ABCA13: variants seen among roughly 807,000 people sequenced by gnomAD.
ABCA13 encodes the protein ATP-binding cassette sub-family A member 13.
A neutral mutation model predicts 478.7 loss-of-function variants in ABCA13; 476 were observed. The ratio of observed to expected loss-of-function variants is 0.99; its 90% CI spans 0.92 to 1.07. ABCA13 has a LOEUF of 1.07. Ranked by LOEUF, ABCA13 falls within the 50% of genes least tolerant of loss-of-function variation. The pLI is 0.00. For synonymous variants in ABCA13, 2,252 were observed against 2,158.9 expected (o/e 1.04, Z -1.20); for missense variants, 6,060 against 5,910.6 (o/e 1.03, Z -0.83).
chr7:48,315,021 C>T (rs1314265209), intron 26 of ABCA13, among the ~76,000 whole-genome samples: 1 of 152,148 alleles, frequency 6.6e-6, no homozygotes, highest in Admixed American at 6.5e-5. Context: ...AATAAACATG[C>T]TGGTGAGGTT....
At chr7:48,486,054 T>C (rs1489228084) in intron 47 of ABCA13, among the ~76,000 whole-genome samples, 6 of 152,180 alleles carry the variant, frequency 3.9e-5, no homozygotes, top group African/African-American at 1.2e-4. Context: ...CTTCTTGATA[T>C]AGCTTCCTAT....
rs1790449479 is a variant in ABCA13, at chr7:48,239,300, G to T, written c.957G>T (p.Glu319Asp). The change falls in exon 9 of 62, where the codon GAG becomes GAT. Residue 319 changes from glutamate to aspartate, a missense_variant. Glu to Asp is a conservative substitution (Grantham distance 45, BLOSUM62 2). Coordinates refer to ENST00000435803, the MANE Select transcript of ABCA13 (RefSeq NM_152701.5). ...GTTCAGTCTTGTCTAGCACATCAGA[G>T]GATGAAGCTGAGAAATGGGGCCACG... ...MVCSVLSSTS[E>D]DEAEKWGHVG... The T allele has an allele frequency of 6.2e-7, 1 of 1,613,866 alleles. No homozygotes were observed. Among genetic ancestry groups the T allele is most frequent in the African/African-American group, 1.3e-5 (1 of 74,930 alleles).
At chr7:48,353,670 G>A (rs1354543912) in intron 31 of ABCA13, among the ~76,000 whole-genome samples, 2 of 151,652 alleles carry the variant, frequency 1.3e-5, no homozygotes, top group Non-Finnish European at 2.9e-5. Context: ...CTAGTGATAG[G>A]CTGCATACAT....
chr7:48,261,269 T>G (rs1277543025), intron 15 of ABCA13, among the ~76,000 whole-genome samples: 2 of 152,002 alleles, frequency 1.3e-5, no homozygotes, highest in Non-Finnish European at 1.5e-5. Context: ...GTGTTCTTGT[T>G]GATAAACTCC....
intron 55 of ABCA13, among the ~76,000 whole-genome samples, chr7:48,534,472 T>G (rs1833439142): frequency 6.6e-6 from 1 of 152,184 alleles, no homozygotes; most frequent in African/African-American, 2.4e-5. Flanking sequence ...TTTTGAGGGT[T>G]CCTTAAAACG....
At chr7:48,291,176 TA>T (rs1798480937) in intron 20 of ABCA13, among the ~76,000 whole-genome samples, 1 of 152,196 alleles carries the variant, frequency 6.6e-6, no homozygotes, top group East Asian at 1.9e-4. Flanking sequence ...CTGTGCACAT[TA>T]GGGGCAGTGG....
chr7:48,588,105 A>G (rs1053005397), intron 57 of ABCA13, among the ~76,000 whole-genome samples: 2 of 152,124 alleles, frequency 1.3e-5, no homozygotes, highest in Non-Finnish European at 2.9e-5. Flanking sequence ...GGGGTAGTAA[A>G]TGGGGATTGA....
chr7:48,386,506 C>G (rs1196576458), intron 35 of ABCA13, among the ~76,000 whole-genome samples: 1 of 152,134 alleles, frequency 6.6e-6, no homozygotes, highest in Non-Finnish European at 1.5e-5. Context: ...GCTACAGTAA[C>G]CATAACAGCA....
chr7:48,641,480 T>C (rs1795096028), intron 59 of ABCA13, among the ~76,000 whole-genome samples: 1 of 152,216 alleles, frequency 6.6e-6, no homozygotes, highest in East Asian at 1.9e-4. Context: ...ATTCAGTCAG[T>C]CCTCTCACAA....
intron 48 of ABCA13, among the ~76,000 whole-genome samples, chr7:48,498,730 C>T (rs1257591118): frequency 6.6e-6 from 1 of 151,892 alleles, no homozygotes; most frequent in Non-Finnish European, 1.5e-5. Context: ...GAATGTGGCT[C>T]AAAAATATAC....
In ABCA13 at chr7:48,489,102, A is replaced by G. The variant is rs1025220244; in HGVS notation, c.13183-134A>G. 2.4e-5 allele frequency: 15 copies of G among 631,678 alleles called. No individual in the cohort carries two copies. In the African/African-American group the frequency reaches 2.6e-4, roughly 11 times the overall value. 39.1% of individuals were successfully genotyped at this position (631,678 alleles called of 1,614,324 possible). A position where few individuals can be genotyped will look rare whatever the true frequency, so the allele number is the denominator to read the frequency against. On this transcript the variant is annotated intron_variant, in intron 47 of 61. Transcript: ENST00000435803. ...ACTGCTCACTGTCAGCCATGCAGGA[A>G]CATTACTTTGAATCCTGCACTCAGG...
intron 59 of ABCA13, among the ~76,000 whole-genome samples, chr7:48,633,091 T>C (rs1376052786): frequency 2.0e-5 from 3 of 152,088 alleles, no homozygotes; most frequent in Non-Finnish European, 2.9e-5. Flanking sequence ...GTCATCAACA[T>C]TAAACATGTT....
chr7:48,533,269 G>A (rs1313784075), intron 55 of ABCA13, among the ~76,000 whole-genome samples: 1 of 152,062 alleles, frequency 6.6e-6, no homozygotes, highest in Admixed American at 6.5e-5. Flanking sequence ...GATCATTCAG[G>A]AGTAGGTTAT....
intron 15 of ABCA13, among the ~76,000 whole-genome samples, chr7:48,263,700 T>C (rs10499674): frequency 0.13 from 19,120 of 151,394 alleles, 1,240 homozygotes; most frequent in South Asian, 0.18. Flanking sequence ...GAATTTGATA[T>C]GGAAGATTTT....
intron 15 of ABCA13, among the ~76,000 whole-genome samples, chr7:48,258,691 T>C (rs960976309): frequency 1.3e-5 from 2 of 152,178 alleles, no homozygotes; most frequent in African/African-American, 4.8e-5. Flanking sequence ...CTAGTTCCTG[T>C]AGGTGTGATG....
chr7:48,487,713 C>G (rs1175173051), intron 47 of ABCA13, among the ~76,000 whole-genome samples: 1 of 152,114 alleles, frequency 6.6e-6, no homozygotes, highest in Non-Finnish European at 1.5e-5. Context: ...ACCAGATTAG[C>G]CTGTCCCTTA....
intron 42 of ABCA13, among the ~76,000 whole-genome samples, chr7:48,440,945 C>T (rs765755766): frequency 6.6e-6 from 1 of 151,990 alleles, no homozygotes; most frequent in African/African-American, 2.4e-5. Flanking sequence ...TAAAATATGA[C>T]ATAAAAATGT....
chr7:48,205,955 A>G (rs1355218114), intron 3 of ABCA13, among the ~76,000 whole-genome samples: 1 of 152,208 alleles, frequency 6.6e-6, no homozygotes, highest in Non-Finnish European at 1.5e-5. Context: ...TGTAACCACC[A>G]TCATGATTGA....
At chr7:48,495,828 G>T (rs1449343251) in intron 48 of ABCA13, among the ~76,000 whole-genome samples, 1 of 152,092 alleles carries the variant, frequency 6.6e-6, no homozygotes, top group East Asian at 1.9e-4. Context: ...TTTCCTGGTA[G>T]ATTAATCCTT....
Sources: gnomAD v4.1 joint callset for allele counts (sites outside exome capture counted in the v4.1 genomes callset) on GRCh38, gnomAD v4.1.1 for gene constraint, MANE v1.5 for transcripts, NCBI Gene and HGNC (gene_info 2026-07-23, HGNC 2026-07-21) for gene names.